DYNC2H1: variants seen among roughly 807,000 people sequenced by gnomAD.
The protein encoded by DYNC2H1 is cytoplasmic dynein 2 heavy chain 1.
Under a neutral mutation model 570.0 loss-of-function variants are expected in DYNC2H1, and 410 were observed. That is an observed-to-expected ratio of 0.72 (90% CI 0.66 to 0.78). The LOEUF (loss-of-function observed/expected upper bound fraction) is 0.78. Among genes scored for constraint, DYNC2H1 ranks in the 30% least tolerant of loss-of-function variants. The pLI, the probability that DYNC2H1 is intolerant of heterozygous loss-of-function variation, is 0.00. For synonymous variants in DYNC2H1, 1,688 were observed against 1,677.6 expected (o/e 1.01, Z -0.15); for missense variants, 4,865 against 5,046.4 (o/e 0.96, Z 1.09).
intron 78 of DYNC2H1, 112 bp from the exon 79 acceptor site, chr11:103,311,766 C>T (rs1297238320): frequency 5.9e-6 from 6 of 1,025,586 alleles, no homozygotes; most frequent in Non-Finnish European, 8.3e-6. Flanking sequence ...TTAACTCAAA[C>T]CCGGTAAGCA....
rs1459972334 is a variant in DYNC2H1 at position 103,177,005 on chromosome 11, C to T, written c.5875-551C>T. 6.6e-6 allele frequency among the ~76,000 whole-genome samples: 1 copy of T among 152,106 alleles called. No homozygotes were observed. Among genetic ancestry groups the T allele is most frequent in the Non-Finnish European group, 1.5e-5 (1 of 68,020 alleles). On this transcript the variant is annotated intron_variant, in intron 37 of 88. Transcript: ENST00000375735. The surrounding 1 kb of genome is among the most constrained non-coding windows in gnomAD (Gnocchi z 4.4). The stretch of plus-strand genomic sequence containing the variant: ...ACAGGCCTGAGCCACCGCATCTGGC[C>T]ATCCATATATATTTTTGCTCACCAT...
intron 73 of DYNC2H1, among the ~76,000 whole-genome samples, chr11:103,284,886 G>C (rs688342): frequency 0.17 from 25,292 of 151,898 alleles, 2,282 homozygotes; most frequent in Admixed American, 0.25. Context: ...ATCTTACACC[G>C]CACTCTTGAA....
At chr11:103,337,292 C>A (rs1939191325) in intron 82 of DYNC2H1, among the ~76,000 whole-genome samples, 1 of 152,176 alleles carries the variant, frequency 6.6e-6, no homozygotes, top group African/African-American at 2.4e-5. Context: ...CTGTTCGAGG[C>A]TCTCAGCTCT....
intron 78 of DYNC2H1, among the ~76,000 whole-genome samples, chr11:103,310,982 G>A (rs955854244): frequency 1.3e-5 from 2 of 151,884 alleles, no homozygotes; most frequent in Admixed American, 6.6e-5. Context: ...GATTACAAGC[G>A]TGAGCCACCA....
At chr11:103,328,886 A>G (rs1038510533) in intron 82 of DYNC2H1, among the ~76,000 whole-genome samples, 1 of 152,194 alleles carries the variant, frequency 6.6e-6, no homozygotes, top group African/African-American at 2.4e-5. Context: ...AGTCAAAAGC[A>G]AGAGACTTTG....
In DYNC2H1 at chr11:103,231,281, C is replaced by A; in HGVS notation, c.9375C>A (p.Asp3125Glu). The change falls in exon 60 of 89, where the codon GAC becomes GAA. Residue 3125 changes from aspartate (D) to glutamate (E), a missense_variant. Around this residue, in one of 5 missense-constraint regions of DYNC2H1, gnomAD observed 2,401 missense variants for 2,454.6 expected, o/e 0.98. Coordinates refer to ENST00000375735, the MANE Select transcript of DYNC2H1 (RefSeq NM_001377.3). ...GLESNLKKTE[D>E]RKRKLEELLN... ...TTAGGAATCTGAAGAAAACTGAAGA[C>A]AGAAAAAGGAAACTAGAGGAGCTTC... 6.2e-7 allele frequency: 1 copy of A among 1,604,136 alleles called. No individual in the cohort carries two copies. The highest frequency in any genetic ancestry group is 8.5e-7 in the Non-Finnish European group (1 of 1,175,546).
Position 103,369,608 on chromosome 11 carries a change from A to C in DYNC2H1, c.12156+11249A>C, listed in dbSNP as rs1029763870. Among the ~76,000 whole-genome samples the C allele has an allele frequency of 1.3e-5, 2 of 152,110 alleles. No homozygotes were observed. The highest frequency in any genetic ancestry group is 2.9e-5 in the Non-Finnish European group (2 of 68,030). On this transcript the variant is annotated intron_variant, in intron 83 of 88. Transcript: ENST00000375735. The surrounding 1 kb of genome is among the most constrained non-coding windows in gnomAD (Gnocchi z 4.0). ...AAAAGTGGGGAGGATTTTGTCTTGC[A>C]TCTTGGATACCAGCTCAGCCACAAC...
chr11:103,224,065 A>G (rs569712990), intron 59 of DYNC2H1, among the ~76,000 whole-genome samples: 1 of 151,980 alleles, frequency 6.6e-6, no homozygotes, highest in Non-Finnish European at 1.5e-5. Flanking sequence ...AGGCTTTTGT[A>G]TTTGTTTTTA....
intron 31 of DYNC2H1, 96 bp from the exon 32 acceptor site, chr11:103,168,659 A>T: frequency 7.7e-7 from 1 of 1,297,206 alleles, no homozygotes; most frequent in Non-Finnish European, 1.1e-6. Context: ...ATTACCATTT[A>T]AATTCATGGA....
Position 103,192,152 on chromosome 11 carries a change from G to T in DYNC2H1, c.7596G>T (p.Arg2532=). The part of the protein sequence containing the change: ...YVLEIVAYEA[R]RLFRDKIVGA... ...TAGAAATTGTAGCATATGAGGCACG[G>T]CGCTTATTTCGTGACAAAATTGTTG... Residue 2532 remains arginine (R), a synonymous_variant, in exon 47 of 89, where the codon CGG becomes CGT. Coordinates refer to ENST00000375735, the MANE Select transcript of DYNC2H1 (RefSeq NM_001377.3). The T allele has an allele frequency of 6.4e-7, 1 of 1,566,712 alleles. No homozygotes were observed. Among genetic ancestry groups the T allele is most frequent in the Non-Finnish European group, 8.7e-7 (1 of 1,152,686 alleles).
chr11:103,179,448 AAT>A (rs1181097755), intron 39 of DYNC2H1, among the ~76,000 whole-genome samples: 1 of 151,812 alleles, frequency 6.6e-6, no homozygotes, highest in Non-Finnish European at 1.5e-5. Context: ...ACAATTATGA[AAT>A]AATTATTTGT....
intron 43 of DYNC2H1, among the ~76,000 whole-genome samples, chr11:103,188,233 A>G (rs1216582823): frequency 1.3e-5 from 2 of 152,082 alleles, no homozygotes; most frequent in Non-Finnish European, 1.5e-5. Flanking sequence ...CTCAATTTAT[A>G]ATATCATTGC....
At chr11:103,346,461 T>C (rs1215553433) in intron 82 of DYNC2H1, among the ~76,000 whole-genome samples, 1 of 152,224 alleles carries the variant, frequency 6.6e-6, no homozygotes, top group African/African-American at 2.4e-5. Flanking sequence ...GATTTCTAAT[T>C]GTAGGCAAAT....
At chr11:103,436,133 T>A (rs1591754572) in intron 85 of DYNC2H1, 101 bp downstream of exon 85, 1 of 943,152 alleles carries the variant, frequency 1.1e-6, no homozygotes, top group Admixed American at 2.7e-5. Flanking sequence ...ACACTATGAT[T>A]TTGCACATAA....
At chr11:103,411,044 A>G (rs937895861) in intron 84 of DYNC2H1, among the ~76,000 whole-genome samples, 1 of 152,064 alleles carries the variant, frequency 6.6e-6, no homozygotes, top group Non-Finnish European at 1.5e-5. Context: ...ACCAGGACCA[A>G]ACCTATCTGT....
chr11:103,277,027 T>C lies in DYNC2H1; in HGVS notation c.10696-3321T>C, dbSNP rs1370355480. ...TATAAAGTACTTGGCCTTACAATTC[T>C]TATTTTAACATATGCCACTTAATTT... On this transcript the variant is annotated intron_variant, in intron 70 of 88. Transcript: ENST00000375735. The surrounding 1 kb of genome is among the most constrained non-coding windows in gnomAD (Gnocchi z 4.3). Among the ~76,000 whole-genome samples, 1 of 152,134 alleles carries C rather than the reference T, an allele frequency of 6.6e-6. No homozygotes were observed. Among genetic ancestry groups the C allele is most frequent in the Non-Finnish European group, 1.5e-5 (1 of 67,952 alleles).
At chr11:103,350,366 T>C (rs1350624773) in intron 82 of DYNC2H1, among the ~76,000 whole-genome samples, 1 of 152,190 alleles carries the variant, frequency 6.6e-6, no homozygotes, top group East Asian at 1.9e-4. Flanking sequence ...GATGATTTAG[T>C]ATTTTTCCTT....
intron 83 of DYNC2H1, among the ~76,000 whole-genome samples, 152 bp downstream of exon 83, chr11:103,358,511 T>C (rs1462486216): frequency 4.6e-5 from 7 of 152,212 alleles, no homozygotes; most frequent in Non-Finnish European, 4.4e-5. Flanking sequence ...TTCATACCAG[T>C]GCACATCAAA....
At chr11:103,322,683 G>A (rs553123196) in intron 81 of DYNC2H1, among the ~76,000 whole-genome samples, 9 of 152,270 alleles carry the variant, frequency 5.9e-5, no homozygotes, top group African/African-American at 2.2e-4. Context: ...AGCCAGTCTA[G>A]ACAAGATTTC....
Sources: gnomAD v4.1 joint callset for allele counts (sites outside exome capture counted in the v4.1 genomes callset) on GRCh38, gnomAD v4.1.1 for gene constraint, gnomAD v4.1.1 regional missense constraint, Gnocchi (gnomAD v3.1) non-coding constraint, MANE v1.5 for transcripts, NCBI Gene and HGNC (gene_info 2026-07-23, HGNC 2026-07-21) for gene names.